UGT1A6: variants seen among roughly 807,000 people sequenced by gnomAD.
The protein encoded by UGT1A6 is UDP glucuronosyltransferase family 1 member A6.
UGT1A6 carries 32 observed loss-of-function variants against 44.4 expected under a neutral mutation model. The ratio of observed to expected loss-of-function variants is 0.72; its 90% confidence interval spans 0.54 to 0.97. UGT1A6 has a LOEUF of 0.97. UGT1A6 is among the 50% of genes least tolerant of loss of function. The pLI is 0.00. For synonymous variants in UGT1A6, 238 were observed against 248.5 expected (o/e 0.96, Z 0.40); for missense variants, 685 against 661.9 (o/e 1.03, Z -0.38).
intron 1 of UGT1A6, chr2:233,743,541 ACC>A (rs544018510): frequency 1.5e-6 from 2 of 1,366,832 alleles, no homozygotes; most frequent in Non-Finnish European, 2.0e-6. Context: ...AGTTCCTCTG[ACC>A]CCCCCAAAAT....
At chr2:233,743,874 A>T in intron 1 of UGT1A6, 1 of 1,367,118 alleles carries the variant, frequency 7.3e-7, no homozygotes, top group Non-Finnish European at 9.8e-7. Context: ...GCCTCGGATG[A>T]GGCCTGCCGG....
At chr2:233,738,690 T>C (rs1178120168) in intron 1 of UGT1A6, among the ~76,000 whole-genome samples, 2 of 152,174 alleles carry the variant, frequency 1.3e-5, no homozygotes, top group African/African-American at 2.4e-5. Flanking sequence ...TTGGAACTTA[T>C]GTTTAAAAGG....
At chr2:233,734,382 A>G (rs189270285) in intron 1 of UGT1A6, among the ~76,000 whole-genome samples, 35 of 152,082 alleles carry the variant, frequency 2.3e-4, no homozygotes, top group Admixed American at 1.0e-3. Context: ...TGCCTTTACT[A>G]TTTTTTATTG....
chr2:233,721,241 A>G (rs2076930397), intron 1 of UGT1A6, among the ~76,000 whole-genome samples: 1 of 152,202 alleles, frequency 6.6e-6, no homozygotes, highest in African/African-American at 2.4e-5. Context: ...ACTGAATTGT[A>G]AAAAATATAT....
At chr2:233,765,924 G>A (rs1285485148) in intron 1 of UGT1A6, among the ~76,000 whole-genome samples, 9 of 152,180 alleles carry the variant, frequency 5.9e-5, no homozygotes, top group Middle Eastern at 3.4e-3. Context: ...GCATACAGAC[G>A]GGCAGGTTGT....
At chr2:233,765,894 C>A (rs527736361) in intron 1 of UGT1A6, among the ~76,000 whole-genome samples, 1 of 152,060 alleles carries the variant, frequency 6.6e-6, no homozygotes, top group Non-Finnish European at 1.5e-5. Flanking sequence ...CAGTGCGCCA[C>A]TGCTCAAACC....
At chr2:233,761,150 A>G (rs1384998466) in intron 1 of UGT1A6, 2 of 1,614,204 alleles carry the variant, frequency 1.2e-6, no homozygotes, top group Non-Finnish European at 1.7e-6. Flanking sequence ...CCACTATCCC[A>G]GGTGTGTATT....
chr2:233,748,079 G>A (rs1693856284), intron 1 of UGT1A6: 2 of 1,613,192 alleles, frequency 1.2e-6, no homozygotes, highest in Middle Eastern at 3.4e-4. Flanking sequence ...CACTATCTCA[G>A]GTCGGTGTTC....
At chr2:233,768,582 CTTTT>C (rs139595073) in intron 4 of UGT1A6, 143 bp downstream of exon 4, 9,680 of 1,016,394 alleles carry the variant, frequency 9.5e-3, no homozygotes, top group East Asian at 0.022. Flanking sequence ...TTTATTTCTT[CTTTT>C]TTTTTTTTTT....
rs184388078 is a variant in UGT1A6 at position 233,743,692 on chromosome 2, G to A, written c.862-23342G>A. ...CGAAGGGCCTGCCGCCTGTGCAGCCGCCCTCCGCCCCCGCCTCGCCATAGC... is the reference window on the plus strand; with the variant it reads ...CGAAGGGCCTGCCGCCTGTGCAGCCACCCTCCGCCCCCGCCTCGCCATAGC... On this transcript the variant is annotated intron_variant, in intron 1 of 4. Coordinates refer to ENST00000305139, the MANE Select transcript of UGT1A6 (RefSeq NM_001072.4). The A allele has an allele frequency of 3.6e-4, 492 of 1,367,218 alleles. 1 individual carries two copies. Among genetic ancestry groups the A allele is most frequent in the Non-Finnish European group, 4.5e-4 (457 of 1,021,852 alleles). 84.7% of individuals were successfully genotyped at this position (1,367,218 alleles called of 1,614,324 possible). A position where few individuals can be genotyped will look rare whatever the true frequency, so the allele number is the denominator to read the frequency against.
intron 1 of UGT1A6, chr2:233,718,760 G>A (rs1384235813): frequency 3.7e-6 from 6 of 1,612,482 alleles, no homozygotes; most frequent in African/African-American, 1.3e-5. Flanking sequence ...TAAGGCGAAG[G>A]AAACAAATGT....
At chr2:233,699,919 G>A (rs2075532229) in intron 1 of UGT1A6, among the ~76,000 whole-genome samples, 2 of 152,196 alleles carry the variant, frequency 1.3e-5, no homozygotes, top group Non-Finnish European at 2.9e-5. Context: ...TATACGTAGA[G>A]GCCAAGGATG....
At chr2:233,721,693 G>A (rs905890959) in intron 1 of UGT1A6, 13 of 351,018 alleles carry the variant, frequency 3.7e-5, no homozygotes, top group African/African-American at 6.4e-5. Context: ...TCTGCAAGAC[G>A]CATGGCTCAT....
chr2:233,720,218 T>C (rs1362764993), intron 1 of UGT1A6, among the ~76,000 whole-genome samples: 2 of 152,126 alleles, frequency 1.3e-5, no homozygotes, highest in African/African-American at 2.4e-5. Context: ...GATGGATGCA[T>C]GTGATCAGAG....
chr2:233,731,166 G>T (rs1000792478), intron 1 of UGT1A6, among the ~76,000 whole-genome samples: 13 of 151,756 alleles, frequency 8.6e-5, no homozygotes, highest in Admixed American at 3.3e-4. Flanking sequence ...CAAACGACAT[G>T]ATTTTTTTAT....
At chr2:233,749,405 TG>T (rs1425183484) in intron 1 of UGT1A6, among the ~76,000 whole-genome samples, 1 of 151,948 alleles carries the variant, frequency 6.6e-6, no homozygotes, top group African/African-American at 2.4e-5. Flanking sequence ...TATTCTCTAG[TG>T]TTAACTACAT....
rs191739325 is a variant in UGT1A6 at position 233,719,507 on chromosome 2, C to T, written c.861+25642C>T. On this transcript the variant is annotated intron_variant, in intron 1 of 4. Coordinates refer to ENST00000305139, the MANE Select transcript of UGT1A6 (RefSeq NM_001072.4). ...CCTACATTTGCCATACTTTTTCTGC[C>T]CCTTATGCAAGTCTTGCCTCTGAGC... 1.6e-4 allele frequency: 265 copies of T among 1,613,148 alleles called. 1 individual carries two copies. Among genetic ancestry groups the T allele is most frequent in the Middle Eastern group, 1.7e-4 (1 of 6,052 alleles).
At chr2:233,719,420 C>T in intron 1 of UGT1A6, 1 of 1,613,820 alleles carries the variant, frequency 6.2e-7, no homozygotes, top group Non-Finnish European at 8.5e-7. Flanking sequence ...TACTAACGAC[C>T]AATTCAGACC....
At chr2:233,705,432 A>G (rs778048024) in intron 1 of UGT1A6, among the ~76,000 whole-genome samples, 4 of 152,198 alleles carry the variant, frequency 2.6e-5, no homozygotes, top group Non-Finnish European at 5.9e-5. Flanking sequence ...CTCATAACTT[A>G]TCCTTCAGAA....
Sources: gnomAD v4.1 joint callset for allele counts (sites outside exome capture counted in the v4.1 genomes callset) on GRCh38, gnomAD v4.1.1 for gene constraint, MANE v1.5 for transcripts, NCBI Gene and HGNC (gene_info 2026-07-23, HGNC 2026-07-21) for gene names.